TYR: variants seen among roughly 807,000 people sequenced by gnomAD.
TYR encodes the protein LB24-AB.
In TYR, 58 loss-of-function variants were observed where a neutral mutation model predicts 51.5. That is an observed-to-expected ratio of 1.13 (90% CI 0.91 to 1.40). The LOEUF (loss-of-function observed/expected upper bound fraction) is 1.40. Ranked by LOEUF, TYR falls within the 40% of genes most tolerant of loss-of-function variation. TYR has a pLI of 0.00. For missense variants in TYR, 732 were observed against 647.4 expected (o/e 1.13, Z -1.42); for synonymous variants, 263 against 235.2 (o/e 1.12, Z -1.08).
intron 2 of TYR, among the ~76,000 whole-genome samples, chr11:89,215,501 C>T (rs1219145075): frequency 6.6e-6 from 1 of 151,084 alleles, no homozygotes; most frequent in Non-Finnish European, 1.5e-5. Context: ...TACATCTACC[C>T]TAGAACTTAA....
At chr11:89,238,180 A>G (rs1413904610) in intron 3 of TYR, among the ~76,000 whole-genome samples, 2 of 152,020 alleles carry the variant, frequency 1.3e-5, no homozygotes, top group African/African-American at 4.8e-5. Context: ...GTTTATTTGT[A>G]TCTCCTTAAA....
At chr11:89,220,893 T>TTTG (rs1943902814) in intron 2 of TYR, among the ~76,000 whole-genome samples, 1 of 152,178 alleles carries the variant, frequency 6.6e-6, no homozygotes, top group Non-Finnish European at 1.5e-5. Context: ...AGCAGTAATC[T>TTTG]TTGTTGTAGA....
chr11:89,277,343 C>T (rs1446277997), intron 3 of TYR, among the ~76,000 whole-genome samples: 1 of 151,736 alleles, frequency 6.6e-6, no homozygotes, highest in African/African-American at 2.4e-5. Flanking sequence ...TGGCTGGAGG[C>T]ATCGCAAGCT....
At position 89,178,208 on chromosome 11, in the gene TYR, T is replaced by A. The variant is rs746208814; in HGVS notation, c.255T>A (p.Tyr85Ter). The A allele has an allele frequency of 1.2e-6, 2 of 1,614,164 alleles. No homozygotes were observed. The highest frequency in any genetic ancestry group is 1.7e-6 in the Non-Finnish European group (2 of 1,180,028). Residue 85 changes from tyrosine to a stop codon, truncating the protein, a stop_gained, in exon 1 of 5, where the codon TAT becomes TAA. Transcript: ENST00000263321. LOFTEE classifies it high-confidence loss of function. ...DDRESWPSVF[Y>*]NRTCQCSGNF... is the part of the protein sequence containing the mutation. Reference sequence around the variant, plus strand: ...GGGAGTCGTGGCCTTCCGTCTTTTATAATAGGACCTGCCAGTGCTCTGGCA... The same window carrying A: ...GGGAGTCGTGGCCTTCCGTCTTTTAAAATAGGACCTGCCAGTGCTCTGGCA...
intron 1 of TYR, among the ~76,000 whole-genome samples, chr11:89,183,612 C>T (rs180849579): frequency 8.5e-5 from 13 of 152,048 alleles, no homozygotes; most frequent in African/African-American, 2.6e-4. Flanking sequence ...TATTCTGAGA[C>T]GATTTTTGTC....
At position 89,252,208 on chromosome 11, in the gene TYR, C is replaced by T. The variant is rs182292877; in HGVS notation, c.1184+24238C>T. The stretch of plus-strand genomic sequence containing the variant: ...TGAGAATCTGAAAATTCCCTTGAGA[C>T]GATCAGTACCAAGCCAGAAAAATAT... On this transcript the variant is annotated intron_variant, in intron 3 of 4. Transcript: ENST00000263321. 4.1e-5 allele frequency among the ~76,000 whole-genome samples: 6 copies of T among 146,024 alleles called. No individual in the cohort carries two copies. The East Asian group carries it at 5.8e-4, about 14-fold the overall frequency.
intron 1 of TYR, among the ~76,000 whole-genome samples, chr11:89,183,510 T>TAGTGGAA (rs1943328619): frequency 6.6e-6 from 1 of 152,118 alleles, no homozygotes; most frequent in Admixed American, 6.6e-5. Context: ...CAGAATAATG[T>TAGTGGAA]AGTGGAAAGA....
At chr11:89,253,773 A>G (rs1236540223) in intron 3 of TYR, among the ~76,000 whole-genome samples, 1 of 151,806 alleles carries the variant, frequency 6.6e-6, no homozygotes, top group Non-Finnish European at 1.5e-5. Context: ...ATCAGCAAAC[A>G]GCAACAGTTT....
chr11:89,289,108 A>G (rs1387450270), intron 4 of TYR, among the ~76,000 whole-genome samples: 2 of 152,048 alleles, frequency 1.3e-5, no homozygotes, highest in African/African-American at 2.4e-5. Context: ...GAGGCCAAAA[A>G]TCTTTGGCAA....
In TYR at chr11:89,178,377, A is replaced by G; in HGVS notation, c.424A>G (p.Lys142Glu). The part of the protein sequence containing the change: ...DKFFAYLTLA[K>E]HTISSDYVIP... Reference sequence around the variant, plus strand: ...ATTTTTTGCCTACCTCACTTTAGCAAAGCATACCATCAGCTCAGACTATGT... The same window carrying G: ...ATTTTTTGCCTACCTCACTTTAGCAGAGCATACCATCAGCTCAGACTATGT... The change falls in exon 1 of 5, where the codon AAG (lysine) becomes GAG (glutamate). Residue 142 changes from lysine (K) to glutamate (E), a missense_variant. By Grantham distance (56) the Lys-to-Glu change is moderately conservative. Coordinates refer to ENST00000263321, the MANE Select transcript of TYR (RefSeq NM_000372.5). 6.2e-7 allele frequency: 1 copy of G among 1,614,150 alleles called. No homozygotes were observed. Among genetic ancestry groups the G allele is most frequent in the South Asian group, 1.1e-5 (1 of 91,086 alleles).
chr11:89,203,791 C>T (rs1426846263), intron 2 of TYR, among the ~76,000 whole-genome samples: 3 of 152,138 alleles, frequency 2.0e-5, no homozygotes, highest in Non-Finnish European at 4.4e-5. Flanking sequence ...AAAACACCAA[C>T]AAAAGCCTTC....
In TYR at chr11:89,190,725, T is replaced by C. The variant is rs556283894; in HGVS notation, c.820-477T>C. On this transcript the variant is annotated intron_variant, in intron 1 of 4. Transcript: ENST00000263321. ...TTCACTCCTTATTCCCTCACTTACT[T>C]ACCCAATGCAACTTCTAGTCCTGCA... Among the ~76,000 whole-genome samples the C allele has an allele frequency of 4.6e-5, 7 of 152,252 alleles. No individual in the cohort carries two copies. The East Asian group carries it at 1.4e-3, about 29-fold the overall frequency.
chr11:89,180,482 CTTA>C (rs1333684215), intron 1 of TYR, among the ~76,000 whole-genome samples: 1 of 151,726 alleles, frequency 6.6e-6, no homozygotes, highest in East Asian at 1.9e-4. Context: ...TTCCTAATTA[CTTA>C]TTAATTGTCA....
In TYR at chr11:89,201,805, T is replaced by C. The variant is rs576242991; in HGVS notation, c.1036+10387T>C. On this transcript the variant is annotated intron_variant, in intron 2 of 4. Coordinates refer to ENST00000263321, the MANE Select transcript of TYR (RefSeq NM_000372.5). ...GACTTCAAGGGGTCTGTTGGCCCCATTTTGTTAAGCAATAAAATATTGGGA... is the reference window on the plus strand; with the variant it reads ...GACTTCAAGGGGTCTGTTGGCCCCACTTTGTTAAGCAATAAAATATTGGGA... 1.1e-4 allele frequency among the ~76,000 whole-genome samples: 16 copies of C among 152,344 alleles called. No individual in the cohort carries two copies. The South Asian group carries it at 3.1e-3, about 30-fold the overall frequency.
chr11:89,227,795 AT>A (rs3834913), intron 2 of TYR, 27 bp from the exon 3 acceptor site: 4 of 1,603,062 alleles, frequency 2.5e-6, no homozygotes, highest in Non-Finnish European at 3.4e-6. Flanking sequence ...AAGTAAACAT[AT>A]TTTTTTCATT....
At chr11:89,200,057 A>G (rs984384480) in intron 2 of TYR, among the ~76,000 whole-genome samples, 2 of 152,178 alleles carry the variant, frequency 1.3e-5, no homozygotes, top group Non-Finnish European at 2.9e-5. Context: ...TTATAACTCT[A>G]TTTTATGCAT....
At chr11:89,288,632 T>A (rs1329346324) in intron 4 of TYR, among the ~76,000 whole-genome samples, 1 of 152,012 alleles carries the variant, frequency 6.6e-6, no homozygotes, top group Non-Finnish European at 1.5e-5. Flanking sequence ...TAGAGAAGTT[T>A]GACTTTAAAA....
chr11:89,235,855 G>T (rs375961381), intron 3 of TYR, among the ~76,000 whole-genome samples: 1 of 152,150 alleles, frequency 6.6e-6, no homozygotes, highest in East Asian at 1.9e-4. Context: ...ACAATAAAAT[G>T]ATAAATATGT....
intron 2 of TYR, among the ~76,000 whole-genome samples, chr11:89,213,106 A>G (rs760121106): frequency 2.0e-5 from 3 of 152,204 alleles, no homozygotes; most frequent in Non-Finnish European, 2.9e-5. Context: ...AGGCAAGAGA[A>G]AGAAAAAAAG....
Sources: gnomAD v4.1 joint callset for allele counts (sites outside exome capture counted in the v4.1 genomes callset) on GRCh38, gnomAD v4.1.1 for gene constraint, MANE v1.5 for transcripts, NCBI Gene and HGNC (gene_info 2026-07-23, HGNC 2026-07-21) for gene names.